The following TRPC5 variants were observed in gnomAD, a reference collection of about 807,000 sequenced individuals.
TRPC5 encodes short transient receptor potential channel 5.
In TRPC5, 9 loss-of-function variants were observed where a neutral mutation model predicts 56.5. The observed-to-expected ratio is 0.16, with a 90% CI of 0.10 to 0.28. The LOEUF (loss-of-function observed/expected upper bound fraction) is 0.28, where lower values mean the gene tolerates loss of function less well. TRPC5 is among the 10% of genes least tolerant of loss of function. The pLI is 1.00. For missense variants in TRPC5, 469 were observed against 748.9 expected, an observed-to-expected ratio of 0.63 and a Z score of 4.36; for synonymous variants, 282 against 278.5, an observed-to-expected ratio of 1.01 and a Z score of -0.13.
At chrX:111,994,309 T>C (rs1270828314) in intron 1 of TRPC5, among the ~76,000 whole-genome samples, 2 of 111,732 alleles carry the variant, frequency 1.8e-5, no homozygotes, top group Non-Finnish European at 3.8e-5. Context: ...ACCGTAGCCT[T>C]GTAGTATAGT....
At chrX:112,059,694 C>CTCAGA (rs1413345319) in intron 1 of TRPC5, among the ~76,000 whole-genome samples, 2 of 112,050 alleles carry the variant, frequency 1.8e-5, no homozygotes, top group Non-Finnish European at 3.8e-5. Context: ...TCCAAATTTT[C>CTCAGA]ACCTATGTGT....
chrX:111,787,270 C>T (rs942379442), intron 7 of TRPC5, among the ~76,000 whole-genome samples: 1 of 111,821 alleles, frequency 8.9e-6, no homozygotes, highest in Admixed American at 9.5e-5. Flanking sequence ...AACTGCACAA[C>T]TACATGGAAA....
intron 2 of TRPC5, among the ~76,000 whole-genome samples, chrX:111,919,126 A>G (rs1926056272): frequency 9.0e-6 from 1 of 111,665 alleles, no homozygotes; most frequent in African/African-American, 3.3e-5. Context: ...AGCCAGCTGT[A>G]CTTCCTGGGT....
intron 6 of TRPC5, among the ~76,000 whole-genome samples, chrX:111,835,898 C>G (rs1433924133): frequency 1.8e-5 from 2 of 111,730 alleles, no homozygotes; most frequent in Non-Finnish European, 1.9e-5. Context: ...ATATATTAAC[C>G]AACTGTTATT....
chrX:111,891,361 C>T lies in TRPC5; in HGVS notation c.900+20930G>A, dbSNP rs183383212. Among the ~76,000 whole-genome samples, 1,028 of 111,367 alleles carry T rather than the reference C, an allele frequency of 9.2e-3. 9 individuals are homozygous for T. The highest frequency in any genetic ancestry group is 0.014 in the Non-Finnish European group (738 of 53,037). ...ATATATAAGCATTTCTTTTTCTCTG[C>T]AACCTCACTAGCATCTGTTATTTTT... is the stretch of plus-strand genomic sequence containing the variant. On this transcript the variant is annotated intron_variant, in intron 3 of 10. Coordinates refer to ENST00000262839, the MANE Select transcript of TRPC5 (RefSeq NM_012471.3).
intron 1 of TRPC5, among the ~76,000 whole-genome samples, chrX:112,030,537 G>T (rs1036066422): frequency 1.8e-5 from 2 of 111,997 alleles, no homozygotes; most frequent in Non-Finnish European, 3.8e-5. Context: ...CATTGCTTAT[G>T]GGATGTGGAT....
intron 1 of TRPC5, among the ~76,000 whole-genome samples, chrX:111,993,472 G>A (rs192087929): frequency 5.5e-4 from 62 of 111,982 alleles, no homozygotes; most frequent in African/African-American, 1.4e-3. Context: ...TTAAGGAATC[G>A]CCACACTGTC....
chrX:111,975,753 AATT>A (rs1291241077), intron 1 of TRPC5, among the ~76,000 whole-genome samples: 1 of 110,846 alleles, frequency 9.0e-6, no homozygotes. Flanking sequence ...AAAAGAAAAA[AATT>A]AGCCGGGCGT....
intron 7 of TRPC5, among the ~76,000 whole-genome samples, chrX:111,789,216 T>G (rs372672293): frequency 7.2e-5 from 8 of 111,198 alleles, no homozygotes; most frequent in South Asian, 3.8e-4. Flanking sequence ...CCAAAACAGA[T>G]ATATAGACCA....
intron 6 of TRPC5, among the ~76,000 whole-genome samples, chrX:111,840,714 C>T (rs1922706303): frequency 9.0e-6 from 1 of 111,712 alleles, no homozygotes; most frequent in African/African-American, 3.2e-5. Flanking sequence ...ACTCTGAAGC[C>T]CACACACATA....
intron 8 of TRPC5, among the ~76,000 whole-genome samples, chrX:111,781,474 C>T (rs1484648628): frequency 8.9e-6 from 1 of 112,069 alleles, no homozygotes; most frequent in Non-Finnish European, 1.9e-5. Context: ...GCCTGCAATC[C>T]CAGCACTTTG....
intron 2 of TRPC5, among the ~76,000 whole-genome samples, chrX:111,949,517 C>A (rs770290344): frequency 9.0e-6 from 1 of 111,388 alleles, no homozygotes; most frequent in Non-Finnish European, 1.9e-5. Context: ...ACAATCCCAT[C>A]AAAAAGTGGG....
chrX:111,821,842 G>T (rs778698136), intron 7 of TRPC5, among the ~76,000 whole-genome samples: 1 of 111,284 alleles, frequency 9.0e-6, no homozygotes, highest in Non-Finnish European at 1.9e-5. Flanking sequence ...AACATTCAGA[G>T]ACCAATTTAA....
chrX:111,818,184 A>T (rs1013549176), intron 7 of TRPC5, among the ~76,000 whole-genome samples: 1 of 111,713 alleles, frequency 9.0e-6, no homozygotes, highest in Non-Finnish European at 1.9e-5. Flanking sequence ...TGGGGGGAAA[A>T]TTTTGCCTCA....
At chrX:111,985,153 T>C (rs893588111) in intron 1 of TRPC5, among the ~76,000 whole-genome samples, 2 of 112,453 alleles carry the variant, frequency 1.8e-5, no homozygotes, top group African/African-American at 6.5e-5. Context: ...GAGGCAATTC[T>C]AGTGGTATTC....
chrX:111,854,445 G>C (rs1923168129), intron 3 of TRPC5, among the ~76,000 whole-genome samples: 1 of 111,452 alleles, frequency 9.0e-6, no homozygotes, highest in Admixed American at 9.5e-5. Flanking sequence ...ATCATCCAGG[G>C]AACATTAAAA....
intron 2 of TRPC5, among the ~76,000 whole-genome samples, chrX:111,943,836 T>G (rs1926848090): frequency 8.9e-6 from 1 of 112,098 alleles, no homozygotes; most frequent in African/African-American, 3.2e-5. Flanking sequence ...AGAACTAAGT[T>G]GGCTTGTTTA....
At chrX:111,856,568 T>TAATAAG (rs1923238506) in intron 3 of TRPC5, among the ~76,000 whole-genome samples, 1 of 104,001 alleles carries the variant, frequency 9.6e-6, no homozygotes, top group African/African-American at 3.5e-5. Flanking sequence ...ATAATAATAA[T>TAATAAG]AATAATAGAG....
In TRPC5 at chrX:112,082,106, T is replaced by C. The variant is rs1930984723; in HGVS notation, c.-249A>G. 1 of 111,415 alleles carries C rather than the reference T, an allele frequency of 9.0e-6. No individual in the cohort carries two copies. Among genetic ancestry groups the C allele is most frequent in the African/African-American group, 3.3e-5 (1 of 30,569 alleles). 9.2% of individuals were successfully genotyped at this position (111,415 alleles called of 1,213,427 possible). A position where few individuals can be genotyped will look rare whatever the true frequency, so the allele number is the denominator to read the frequency against. On this transcript the variant is annotated 5_prime_UTR_variant, in exon 1 of 11. Transcript: ENST00000262839. ...CTGGCTCCTACCTTGGCTTCCCCTTTGGATGCTCAGTTATTGCCAAACTTG... is the reference window on the plus strand; with the variant it reads ...CTGGCTCCTACCTTGGCTTCCCCTTCGGATGCTCAGTTATTGCCAAACTTG...
Sources: allele counts gnomAD v4.1 joint callset (sites outside exome capture counted in the v4.1 genomes callset), GRCh38; gene constraint gnomAD v4.1.1; transcripts MANE v1.5; gene names NCBI Gene and HGNC (gene_info 2026-07-23, HGNC 2026-07-21).